The following RASA2 variants were observed in gnomAD, a reference collection of about 807,000 sequenced individuals.
RASA2 encodes ras GTPase-activating protein 2.
In RASA2, 155 loss-of-function variants were observed where a neutral mutation model predicts 118.2. The observed-to-expected ratio is 1.31, with a 90% CI of 1.15 to 1.50. The LOEUF (loss-of-function observed/expected upper bound fraction) is 1.50. Ranked by LOEUF, RASA2 falls within the 40% of genes most tolerant of loss-of-function variation. The pLI is 0.00. For missense variants in RASA2, 1,016 were observed against 1,009.6 expected (o/e 1.01, Z -0.09); for synonymous variants, 353 against 349.1 (o/e 1.01, Z -0.12).
intron 19 of RASA2, 93 bp from the exon 20 acceptor site, chr3:141,607,585 G>A: frequency 7.9e-7 from 1 of 1,260,550 alleles, no homozygotes; most frequent in East Asian, 3.0e-5. Context: ...CTACCATCAA[G>A]AGGATGAGCT....
intron 3 of RASA2, among the ~76,000 whole-genome samples, 173 bp downstream of exon 3, chr3:141,516,604 T>C (rs1438995276): frequency 6.6e-6 from 1 of 152,204 alleles, no homozygotes; most frequent in Admixed American, 6.5e-5. Flanking sequence ...GTTCAGCTTA[T>C]ATGACACTTT....
intron 3 of RASA2, among the ~76,000 whole-genome samples, chr3:141,517,136 G>T (rs890557091): frequency 1.3e-5 from 2 of 152,164 alleles, no homozygotes; most frequent in Non-Finnish European, 2.9e-5. Context: ...TTGTTTAGTG[G>T]TTCAAATAAT....
At chr3:141,519,507 A>T (rs1191122876) in intron 3 of RASA2, among the ~76,000 whole-genome samples, 1 of 152,174 alleles carries the variant, frequency 6.6e-6, no homozygotes, top group Admixed American at 6.5e-5. Flanking sequence ...TTTGTCAGCT[A>T]TATACATACC....
chr3:141,538,450 A>G (rs1023156519), intron 4 of RASA2, among the ~76,000 whole-genome samples: 3 of 152,254 alleles, frequency 2.0e-5, no homozygotes, highest in Non-Finnish European at 2.9e-5. Context: ...GGTATCTTCT[A>G]TCAACATTTT....
intron 5 of RASA2, 61 bp from the exon 6 acceptor site, chr3:141,553,796 A>G (rs1242130545): frequency 3.2e-6 from 5 of 1,567,510 alleles, no homozygotes; most frequent in Non-Finnish European, 4.3e-6. Flanking sequence ...GTGTTTAAAG[A>G]TAATGTTTTA....
At chr3:141,602,979 C>T (rs1416560959) in intron 19 of RASA2, among the ~76,000 whole-genome samples, 1 of 143,154 alleles carries the variant, frequency 7.0e-6, no homozygotes, top group African/African-American at 2.6e-5. Flanking sequence ...GAATCTGTAA[C>T]CTCCAGCCAG....
intron 5 of RASA2, 71 bp from the exon 6 acceptor site, chr3:141,553,786 G>C: frequency 6.4e-7 from 1 of 1,560,008 alleles, no homozygotes; most frequent in Non-Finnish European, 8.7e-7. Context: ...GTATTAGTTT[G>C]TGTTTAAAGA....
chr3:141,553,717 A>G, intron 5 of RASA2, 140 bp from the exon 6 acceptor site: 1 of 1,378,382 alleles, frequency 7.3e-7, no homozygotes, highest in Non-Finnish European at 9.5e-7. Context: ...TATTCCATAT[A>G]GGTAGTATAT....
intron 4 of RASA2, among the ~76,000 whole-genome samples, chr3:141,536,619 G>A (rs1238776289): frequency 6.6e-6 from 1 of 152,120 alleles, no homozygotes; most frequent in Non-Finnish European, 1.5e-5. Context: ...ACAGTGCAAG[G>A]TATCTGATCT....
intron 3 of RASA2, among the ~76,000 whole-genome samples, chr3:141,527,804 C>T (rs2082204990): frequency 1.3e-5 from 2 of 151,860 alleles, no homozygotes; most frequent in African/African-American, 4.8e-5. Flanking sequence ...CCAGTTAGTA[C>T]CTGAATTTTA....
At chr3:141,493,281 TC>T (rs1206801702) in intron 1 of RASA2, among the ~76,000 whole-genome samples, 1 of 152,240 alleles carries the variant, frequency 6.6e-6, no homozygotes, top group Non-Finnish European at 1.5e-5. Context: ...TCTTAACTGT[TC>T]CTTCTTAAGA....
At chr3:141,517,752 C>T (rs1485789318) in intron 3 of RASA2, among the ~76,000 whole-genome samples, 1 of 152,126 alleles carries the variant, frequency 6.6e-6, no homozygotes, top group Admixed American at 6.5e-5. Flanking sequence ...CTCCTGGGTT[C>T]ACGCCATTCT....
chr3:141,588,964 C>T (rs2083247591), intron 19 of RASA2, among the ~76,000 whole-genome samples: 2 of 151,928 alleles, frequency 1.3e-5, no homozygotes, highest in African/African-American at 2.4e-5. Context: ...GCCTCAGCCT[C>T]CCGAGTAGCT....
intron 19 of RASA2, among the ~76,000 whole-genome samples, chr3:141,598,273 A>G (rs1437102179): frequency 6.6e-6 from 1 of 152,242 alleles, no homozygotes; most frequent in Middle Eastern, 3.2e-3. Flanking sequence ...ATCCAGCAGT[A>G]TATGAAAAGG....
At position 141,558,930 on chromosome 3, in the gene RASA2, A is replaced by G. The variant is rs769110023; in HGVS notation, c.729A>G (p.Val243=). Residue 243 remains valine, a synonymous_variant, in exon 8 of 24, where the codon GTA becomes GTG. Coordinates refer to ENST00000286364, the MANE Select transcript of RASA2 (RefSeq NM_006506.5). The part of the protein sequence containing the change: ...SSYTRKSQFQ[V]EEEDIEKLEI... Reference sequence around the variant, plus strand: ...ACACCAGAAAGTCCCAGTTCCAGGTAGAAGAGGAGGACATTGAAAAGCTAG... The same window carrying G: ...ACACCAGAAAGTCCCAGTTCCAGGTGGAAGAGGAGGACATTGAAAAGCTAG... 5.0e-6 allele frequency: 8 copies of G among 1,607,654 alleles called. No individual in the cohort carries two copies. In the South Asian group the frequency reaches 5.5e-5, roughly 11 times the overall value.
intron 1 of RASA2, among the ~76,000 whole-genome samples, chr3:141,490,773 A>C (rs2151065915): frequency 6.6e-6 from 1 of 152,306 alleles, no homozygotes; most frequent in Admixed American, 6.5e-5. Context: ...CCTGGGTTTG[A>C]ATCTTCACCT....
intron 14 of RASA2, among the ~76,000 whole-genome samples, chr3:141,575,411 G>A (rs543310847): frequency 2.0e-5 from 3 of 152,290 alleles, no homozygotes; most frequent in East Asian, 1.9e-4. Context: ...AGAGGCACAC[G>A]GAAAGGTGAA....
chr3:141,543,576 T>C (rs2082436806), intron 5 of RASA2, among the ~76,000 whole-genome samples: 1 of 152,304 alleles, frequency 6.6e-6, no homozygotes, highest in East Asian at 1.9e-4. Context: ...TTAACATTCT[T>C]TTAGAGTAAG....
At chr3:141,603,293 A>T (rs1372244812) in intron 19 of RASA2, among the ~76,000 whole-genome samples, 1 of 152,162 alleles carries the variant, frequency 6.6e-6, no homozygotes, top group Non-Finnish European at 1.5e-5. Context: ...AATTTAGGCC[A>T]GGCACAGTGG....
Sources: gnomAD v4.1 joint callset for allele counts (sites outside exome capture counted in the v4.1 genomes callset) on GRCh38, gnomAD v4.1.1 for gene constraint, MANE v1.5 for transcripts, NCBI Gene and HGNC (gene_info 2026-07-23, HGNC 2026-07-21) for gene names.